Variants in C11orf65 observed in about 807,000 individuals in gnomAD.
The protein encoded by C11orf65 is chromosome 11 open reading frame 65, also known as protein MFI.
C11orf65 carries 38 observed loss-of-function variants against 35.3 expected under a neutral mutation model. The ratio of observed to expected loss-of-function variants is 1.08; its 90% CI spans 0.83 to 1.41. The LOEUF is 1.41. Among genes scored for constraint, C11orf65 ranks in the 40% most tolerant of loss-of-function variants. The pLI is 0.00. For missense variants in C11orf65, 370 were observed against 367.1 expected (o/e 1.01, Z -0.06); for synonymous variants, 105 against 114.4 (o/e 0.92, Z 0.53).
intron 6 of C11orf65, chr11:108,310,103 T>C: frequency 1.3e-6 from 2 of 1,549,258 alleles, no homozygotes; most frequent in Non-Finnish European, 1.8e-6. Flanking sequence ...CAACATGCTT[T>C]TATTTTGATA....
intron 3 of C11orf65, among the ~76,000 whole-genome samples, chr11:108,417,533 C>A (rs909706410): frequency 6.6e-6 from 1 of 150,558 alleles, no homozygotes; most frequent in Non-Finnish European, 1.5e-5. Flanking sequence ...GGCAACAGAA[C>A]GAGACTCTGT....
At chr11:108,332,186 G>GCAAA in intron 3 of C11orf65, 1 of 1,003,830 alleles carries the variant, frequency 1.0e-6, no homozygotes, top group Non-Finnish European at 1.4e-6. Context: ...CCAGCACTTT[G>GCAAA]GGAGGCTGAG....
intron 3 of C11orf65, among the ~76,000 whole-genome samples, chr11:108,411,780 TTTTTCTTTTTTC>T: frequency 6.6e-6 from 1 of 151,790 alleles, no homozygotes; most frequent in South Asian, 2.1e-4. Flanking sequence ...ACTGATTTTC[TTTTTCTTTTTTC>T]TTTTTTTTTT....
intron 1 of C11orf65, among the ~76,000 whole-genome samples, chr11:108,462,890 C>A (rs1190433200): frequency 6.6e-6 from 1 of 152,130 alleles, no homozygotes; most frequent in Non-Finnish European, 1.5e-5. Context: ...GAGGCCAAGG[C>A]AGGAGGATTT....
intron 2 of C11orf65, among the ~76,000 whole-genome samples, chr11:108,451,157 G>A (rs2093342755): frequency 6.6e-6 from 1 of 151,908 alleles, no homozygotes; most frequent in Non-Finnish European, 1.5e-5. Flanking sequence ...GTTCGGGCAG[G>A]GCAATCAGGC....
chr11:108,407,226 T>A (rs570592008), intron 3 of C11orf65, 77 bp from the exon 4 acceptor site: 1 of 1,012,700 alleles, frequency 9.9e-7, no homozygotes, highest in African/African-American at 1.6e-5. Context: ...CTCACTCTAT[T>A]ATTTTAAATA....
intron 3 of C11orf65, among the ~76,000 whole-genome samples, chr11:108,410,369 T>C (rs557030797): frequency 6.6e-6 from 1 of 152,356 alleles, no homozygotes; most frequent in Middle Eastern, 3.4e-3. Flanking sequence ...TTATCAATTT[T>C]ATTAACATAT....
intron 2 of C11orf65, among the ~76,000 whole-genome samples, chr11:108,448,979 A>G (rs1422599113): frequency 6.6e-6 from 1 of 152,188 alleles, no homozygotes; most frequent in Admixed American, 6.5e-5. Context: ...AAGCATTCTT[A>G]TACACCAATA....
chr11:108,421,513 G>A (rs1006768734), intron 3 of C11orf65, among the ~76,000 whole-genome samples: 1 of 152,050 alleles, frequency 6.6e-6, no homozygotes, highest in Non-Finnish European at 1.5e-5. Context: ...AAAAAAATTA[G>A]CTGGGCTTGG....
downstream of C11orf65, among the ~76,000 whole-genome samples, chr11:108,377,806 C>A (rs957050899): frequency 6.6e-6 from 1 of 151,982 alleles, no homozygotes; most frequent in East Asian, 1.9e-4. Flanking sequence ...AATCAATGTA[C>A]AAAAATCAGA....
At chr11:108,430,789 G>A (rs906831231) in intron 3 of C11orf65, among the ~76,000 whole-genome samples, 2 of 152,072 alleles carry the variant, frequency 1.3e-5, no homozygotes, top group South Asian at 4.1e-4. Flanking sequence ...ACGCTGCAGT[G>A]AGCCCTGATC....
At position 108,332,824 on chromosome 11, in the gene C11orf65, C is replaced by G. The variant is rs2136566305; in HGVS notation, c.300-1257G>C. ...TCAGAAGTAGGAGACCTCAGATGGT[C>G]AGAAGTGTTGAGGCACTTTGTGATG... On this transcript the variant is annotated intron_variant, in intron 3 of 3. Transcript: ENST00000524755. The G allele has an allele frequency of 6.2e-7, 1 of 1,613,244 alleles. No homozygotes were observed. Among genetic ancestry groups the G allele is most frequent in the East Asian group, 2.2e-5 (1 of 44,786 alleles).
intron 2 of C11orf65, among the ~76,000 whole-genome samples, chr11:108,456,140 G>A (rs1446249993): frequency 6.6e-6 from 1 of 152,142 alleles, no homozygotes; most frequent in Non-Finnish European, 1.5e-5. Flanking sequence ...AGGCAACAGG[G>A]TGAGACTCTG....
rs781528244 is a variant in C11orf65, at chr11:108,353,857, G to A, written c.227-18565C>T. On this transcript the variant is annotated intron_variant, in intron 2 of 3. Transcript: ENST00000524755. Reference sequence around the variant, plus strand: ...ATATTGTGGATGGCATGGGCATTACGGGTGTTGAAGGTGTCTTCAGAAGGT... The same window carrying A: ...ATATTGTGGATGGCATGGGCATTACAGGTGTTGAAGGTGTCTTCAGAAGGT... The A allele has an allele frequency of 5.6e-6, 9 of 1,613,552 alleles. No homozygotes were observed. Among genetic ancestry groups the A allele is most frequent in the Admixed American group, 3.3e-5 (2 of 60,006 alleles).
At chr11:108,422,809 G>A (rs2092838463) in intron 3 of C11orf65, among the ~76,000 whole-genome samples, 1 of 151,794 alleles carries the variant, frequency 6.6e-6, no homozygotes, top group African/African-American at 2.4e-5. Context: ...TTGAACCTGG[G>A]AGGCGGAGGT....
intron 6 of C11orf65, among the ~76,000 whole-genome samples, chr11:108,396,502 C>T (rs1283443978): frequency 6.6e-6 from 1 of 151,850 alleles, no homozygotes; most frequent in African/African-American, 2.4e-5. Flanking sequence ...AGTAATTGTT[C>T]AAATAATTTA....
chr11:108,313,901 TTTA>T (rs377200159), intron 6 of C11orf65, among the ~76,000 whole-genome samples: 91 of 152,310 alleles, frequency 6.0e-4, no homozygotes, highest in African/African-American at 2.1e-3. Context: ...TGTTTTCATT[TTTA>T]TTTAACTGAG....
rs1555172798 is a variant in C11orf65, at chr11:108,437,110, A to AGGG, written c.82-5275_82-5273dup. Among the ~76,000 whole-genome samples, 612 of 101,722 alleles carry AGGG rather than the reference A, an allele frequency of 6.0e-3. 6 individuals carry two copies. The highest frequency in any genetic ancestry group is 0.02 in the East Asian group (57 of 2,854). 66.7% of individuals were successfully genotyped at this position (101,722 alleles called of 152,430 possible). ...CCATTACGACAAAAAAAAAAAAAAA[A>AGGG]GGGGGGGGGTGGACAAAATTTTAAA... is the stretch of plus-strand genomic sequence containing the variant. On this transcript the variant is annotated intron_variant, in intron 2 of 8. Transcript: ENST00000393084.
chr11:108,402,558 A>AT (rs2092457322), intron 6 of C11orf65, among the ~76,000 whole-genome samples: 1 of 93,526 alleles, frequency 1.1e-5, no homozygotes, highest in African/African-American at 4.3e-5. Flanking sequence ...ACAGGTTTTT[A>AT]ATTTTTTTTT....
Sources: gnomAD v4.1 joint callset for allele counts (sites outside exome capture counted in the v4.1 genomes callset) on GRCh38, gnomAD v4.1.1 for gene constraint, MANE v1.5 for transcripts, NCBI Gene and HGNC (gene_info 2026-07-23, HGNC 2026-07-21) for gene names.